SYT13: variants seen among roughly 807,000 people sequenced by gnomAD.
The protein encoded by SYT13 is synaptotagmin 13, also known as synaptotagmin-13.
SYT13 carries 21 observed loss-of-function variants against 38.6 expected under a neutral mutation model. The ratio of observed to expected loss-of-function variants is 0.54; its 90% CI spans 0.39 to 0.78. The LOEUF is 0.78. Ranked by LOEUF, SYT13 falls within the 30% of genes least tolerant of loss-of-function variation. The pLI, the probability that SYT13 is intolerant of heterozygous loss-of-function variation, is 0.00. For missense variants in SYT13, 495 were observed against 548.7 expected (o/e 0.90, Z 0.98); for synonymous variants, 241 against 237.6 (o/e 1.01, Z -0.13).
chr11:45,246,017 T>C (rs903758497), intron 5 of SYT13, among the ~76,000 whole-genome samples: 1 of 152,150 alleles, frequency 6.6e-6, no homozygotes, highest in Non-Finnish European at 1.5e-5. Context: ...GGCCAAGTTT[T>C]CCCGACAGCC....
chr11:45,269,384 A>C, intron 1 of SYT13: 1 of 1,066,942 alleles, frequency 9.4e-7, no homozygotes, highest in Non-Finnish European at 1.2e-6. Context: ...GGGACTGGAA[A>C]CCCCAAGATG....
intron 1 of SYT13, 114 bp from the exon 2 acceptor site, chr11:45,256,005 G>A (rs941846662): frequency 4.6e-6 from 5 of 1,095,764 alleles, no homozygotes; most frequent in South Asian, 1.4e-5. Flanking sequence ...GGAGAGTTGT[G>A]GTTTCATTCT....
Position 45,243,525 on chromosome 11 carries a change from G to A in SYT13, c.*527C>T, listed in dbSNP as rs1854577868. 1 of 152,674 alleles carries A rather than the reference G, an allele frequency of 6.5e-6. No individual in the cohort carries two copies. Among genetic ancestry groups the A allele is most frequent in the Non-Finnish European group, 1.5e-5 (1 of 68,444 alleles). 9.5% of individuals were successfully genotyped at this position (152,674 alleles called of 1,614,324 possible). A position where few individuals can be genotyped will look rare whatever the true frequency, so the allele number is the denominator to read the frequency against. ...GAATACCGACTAGGAATGTCTCCAG[G>A]CGAGCCCAGGAATCTGCTGGTGACT... is the stretch of plus-strand genomic sequence containing the variant. On this transcript the variant is annotated 3_prime_UTR_variant, in exon 6 of 6. Coordinates refer to ENST00000020926, the MANE Select transcript of SYT13 (RefSeq NM_020826.3).
At chr11:45,271,192 A>G (rs572850930) in intron 1 of SYT13, among the ~76,000 whole-genome samples, 1 of 152,228 alleles carries the variant, frequency 6.6e-6, no homozygotes, top group South Asian at 2.1e-4. Context: ...GGCTCCAGGA[A>G]GCTACTATCC....
At chr11:45,264,237 G>C (rs1045401281) in intron 1 of SYT13, among the ~76,000 whole-genome samples, 3 of 152,198 alleles carry the variant, frequency 2.0e-5, no homozygotes, top group East Asian at 1.9e-4. Flanking sequence ...GTGCCTCTAT[G>C]ATGAGACCTC....
At chr11:45,260,883 G>A (rs1854807200) in intron 1 of SYT13, among the ~76,000 whole-genome samples, 1 of 152,156 alleles carries the variant, frequency 6.6e-6, no homozygotes, top group Non-Finnish European at 1.5e-5. Flanking sequence ...CTCACACTGG[G>A]CTCAAGCCAT....
At position 45,241,520 on chromosome 11, in the gene SYT13, C is replaced by A. The variant is rs1311767242; in HGVS notation, c.*2532G>T. On this transcript the variant is annotated 3_prime_UTR_variant, in exon 6 of 6. Coordinates refer to ENST00000020926, the MANE Select transcript of SYT13 (RefSeq NM_020826.3). ...AGATCCCTCCCCCGCCCCGCCCCCC[C>A]AAAAAAAAGAAGAAGAAGAATGAAA... is the stretch of plus-strand genomic sequence containing the variant. 7.8e-6 allele frequency: 1 copy of A among 128,408 alleles called. No homozygotes were observed. Among genetic ancestry groups the A allele is most frequent in the Admixed American group, 7.9e-5 (1 of 12,584 alleles). 8.0% of individuals were successfully genotyped at this position (128,408 alleles called of 1,614,324 possible).
intron 1 of SYT13, among the ~76,000 whole-genome samples, chr11:45,259,622 A>G (rs1854792093): frequency 6.6e-6 from 1 of 152,124 alleles, no homozygotes; most frequent in African/African-American, 2.4e-5. Context: ...CCCGCCCTAC[A>G]CAACACCAGG....
rs139293395 is a variant in SYT13, at chr11:45,275,784, T to C, written c.183+10241A>G. On this transcript the variant is annotated intron_variant, in intron 1 of 5. Transcript: ENST00000020926. The stretch of plus-strand genomic sequence containing the variant: ...GACCCTAAATACTGCCTCAATTAGA[T>C]GGGGTTTGCAGGGCCTGGGTATTGG... Among the ~76,000 whole-genome samples, 12 of 144,838 alleles carry C rather than the reference T, an allele frequency of 8.3e-5. No individual in the cohort carries two copies. In the South Asian group the frequency reaches 1.3e-3, roughly 16 times the overall value.
At chr11:45,278,089 C>T (rs1855030687) in intron 1 of SYT13, among the ~76,000 whole-genome samples, 1 of 152,136 alleles carries the variant, frequency 6.6e-6, no homozygotes, top group Non-Finnish European at 1.5e-5. Flanking sequence ...CTATTAGTTC[C>T]ATTATTTCTT....
chr11:45,270,749 A>T (rs1419073777), intron 1 of SYT13, among the ~76,000 whole-genome samples: 1 of 152,174 alleles, frequency 6.6e-6, no homozygotes, highest in Non-Finnish European at 1.5e-5. Context: ...GGGAACCACT[A>T]ATCTAAGACA....
chr11:45,285,788 C>T, intron 1 of SYT13: 2 of 711,890 alleles, frequency 2.8e-6, no homozygotes, highest in Middle Eastern at 2.5e-4. Flanking sequence ...TCTCTCAGTC[C>T]CCACAAGCTC....
intron 1 of SYT13, chr11:45,269,595 T>C: frequency 1.8e-6 from 1 of 560,674 alleles, no homozygotes. Flanking sequence ...CTATATACCC[T>C]AATATTAACA....
In SYT13 at chr11:45,240,444, AC is replaced by A. The variant is rs1289525696; in HGVS notation, c.*3607del. Reference sequence around the variant, plus strand: ...CACACTTAGCATTTGACAACAGGAAACACAGAGGGCAGAAACAAATCACAAG... The same window carrying A: ...CACACTTAGCATTTGACAACAGGAAAACAGAGGGCAGAAACAAATCACAAG... On this transcript the variant is annotated 3_prime_UTR_variant, in exon 6 of 6. Transcript: ENST00000020926. 2.6e-5 allele frequency: 4 copies of A among 152,654 alleles called. No individual in the cohort carries two copies. Among genetic ancestry groups the A allele is most frequent in the Admixed American group, 6.5e-5 (1 of 15,280 alleles). The allele number at this position is 152,654 out of a possible 1,614,324, so 9.5% of individuals were successfully genotyped here. A position where few individuals can be genotyped will look rare whatever the true frequency, so the allele number is the denominator to read the frequency against.
chr11:45,249,999 G>T (rs1033604829), intron 4 of SYT13, among the ~76,000 whole-genome samples: 5 of 152,174 alleles, frequency 3.3e-5, no homozygotes, highest in African/African-American at 1.2e-4. Flanking sequence ...ACTGGGCACC[G>T]TGGGCAAGTC....
intron 1 of SYT13, among the ~76,000 whole-genome samples, chr11:45,262,528 C>A (rs1443688888): frequency 6.6e-6 from 1 of 152,054 alleles, no homozygotes; most frequent in African/African-American, 2.4e-5. Context: ...GAGATAGAGA[C>A]AAGCATGGAC....
chr11:45,250,610 TC>T, intron 4 of SYT13, among the ~76,000 whole-genome samples: 1 of 152,158 alleles, frequency 6.6e-6, no homozygotes, highest in Non-Finnish European at 1.5e-5. Flanking sequence ...TCTCCCAGGA[TC>T]CCCATCTGTG....
At chr11:45,278,134 G>A (rs996953395) in intron 1 of SYT13, among the ~76,000 whole-genome samples, 4 of 152,148 alleles carry the variant, frequency 2.6e-5, no homozygotes, top group African/African-American at 9.7e-5. Context: ...TTGTGTGCAC[G>A]TGTGTTGATT....
chr11:45,266,877 C>T (rs893592226), intron 1 of SYT13, among the ~76,000 whole-genome samples: 2 of 152,188 alleles, frequency 1.3e-5, no homozygotes, highest in Non-Finnish European at 1.5e-5. Flanking sequence ...TAGCCAGTCA[C>T]TTATTAACAG....
Sources: allele counts gnomAD v4.1 joint callset (sites outside exome capture counted in the v4.1 genomes callset), GRCh38; gene constraint gnomAD v4.1.1; transcripts MANE v1.5; gene names NCBI Gene and HGNC (gene_info 2026-07-23, HGNC 2026-07-21).